The following CNKSR3 variants were observed in gnomAD, a reference collection of about 807,000 sequenced individuals.
CNKSR3 encodes connector enhancer of kinase suppressor of ras 3.
CNKSR3 carries 36 observed loss-of-function variants against 67.7 expected under a neutral mutation model. That is an observed-to-expected ratio of 0.53 (90% CI 0.41 to 0.70). CNKSR3 has a LOEUF of 0.70. Among genes scored for constraint, CNKSR3 ranks in the 30% least tolerant of loss-of-function variants. The probability of loss-of-function intolerance (pLI) is 0.00; values close to 1 mark genes in which losing one functional copy is unlikely to be tolerated. For missense variants in CNKSR3, 630 were observed against 695.2 expected, an observed-to-expected ratio of 0.91 and a Z score of 1.05; for synonymous variants, 281 against 271.4, an observed-to-expected ratio of 1.04 and a Z score of -0.35.
intron 1 of CNKSR3, among the ~76,000 whole-genome samples, chr6:154,506,983 G>A (rs1254514680): frequency 6.6e-6 from 1 of 152,226 alleles, no homozygotes; most frequent in Non-Finnish European, 1.5e-5. Flanking sequence ...AGAAAATGGA[G>A]TGGAGTGAAG....
rs772674749 is a variant in CNKSR3 at position 154,442,082 on chromosome 6, A to G, written c.419+6T>C. On this transcript the variant is annotated splice_donor_region_variant and intron_variant, in intron 3 of 12. Coordinates refer to ENST00000607772, the MANE Select transcript of CNKSR3 (RefSeq NM_173515.4). ...CAGGGCAGTAAAAGGCACATCTCCA[A>G]CTTACCGGTCCAGCCACGCCAGCAG... 20 of 1,597,818 alleles carry G rather than the reference A, an allele frequency of 1.3e-5. No individual in the cohort carries two copies. In the East Asian group the frequency reaches 2.2e-4, roughly 18 times the overall value.
chr6:154,428,322 G>C (rs915113888), intron 6 of CNKSR3, 135 bp from the exon 7 acceptor site: 11 of 640,552 alleles, frequency 1.7e-5, no homozygotes, highest in Non-Finnish European at 2.8e-5. Context: ...CTGAAACATC[G>C]AGAAACAAGA....
chr6:154,453,558 G>C (rs1026256480), intron 1 of CNKSR3, among the ~76,000 whole-genome samples: 1 of 152,158 alleles, frequency 6.6e-6, no homozygotes, highest in African/African-American at 2.4e-5. Context: ...AGAATAGAAT[G>C]TATTGTAGCC....
At chr6:154,448,752 C>A (rs2128718875) in intron 2 of CNKSR3, among the ~76,000 whole-genome samples, 1 of 152,318 alleles carries the variant, frequency 6.6e-6, no homozygotes, top group South Asian at 2.1e-4. Context: ...CATCTCAGAG[C>A]AGAAGACAAG....
intron 6 of CNKSR3, among the ~76,000 whole-genome samples, chr6:154,428,562 C>G (rs13204981): frequency 0.51 from 77,744 of 151,946 alleles, 20,293 homozygotes; most frequent in Non-Finnish European, 0.55. Flanking sequence ...AAGTTGCCTA[C>G]ACTGGAGTGT....
At chr6:154,418,970 C>A (rs9479843) in intron 9 of CNKSR3, among the ~76,000 whole-genome samples, 265 of 135,514 alleles carry the variant, frequency 2.0e-3, no homozygotes, top group African/African-American at 4.5e-3. Context: ...AAAAAAAAAA[C>A]AAAACACAAA....
Position 154,387,777 on chromosome 6 carries a change from A to C in CNKSR3, c.*18577T>G, listed in dbSNP as rs1332575413. ...TTTGAAAAATCAGGCCTTATTTAAAAAGAAAAATGTTCTATCATCAAATGT... is the reference window on the plus strand; with the variant it reads ...TTTGAAAAATCAGGCCTTATTTAAACAGAAAAATGTTCTATCATCAAATGT... On this transcript the variant is annotated 3_prime_UTR_variant, in exon 13 of 13. Transcript: ENST00000607772. 1 of 152,228 alleles carries C rather than the reference A, an allele frequency of 6.6e-6. No individual in the cohort carries two copies. The highest frequency in any genetic ancestry group is 1.5e-5 in the Non-Finnish European group (1 of 68,040). The allele number at this position is 152,228 out of a possible 1,614,324, so 9.4% of individuals were successfully genotyped here.
chr6:154,504,505 C>T (rs1490127769), intron 1 of CNKSR3, among the ~76,000 whole-genome samples: 2 of 152,230 alleles, frequency 1.3e-5, no homozygotes, highest in African/African-American at 4.8e-5. Flanking sequence ...GGGATACAAA[C>T]TGAGTCCGGC....
chr6:154,472,907 T>C (rs12192997), intron 1 of CNKSR3, among the ~76,000 whole-genome samples: 2 of 151,956 alleles, frequency 1.3e-5, no homozygotes, highest in South Asian at 2.1e-4. Flanking sequence ...GGCTATCCCA[T>C]ACAATAGGAA....
chr6:154,423,950 A>AGGCCGG (rs1240112230), intron 7 of CNKSR3, among the ~76,000 whole-genome samples: 1 of 152,118 alleles, frequency 6.6e-6, no homozygotes, highest in Non-Finnish European at 1.5e-5. Flanking sequence ...ATAAAGGGAT[A>AGGCCGG]GGCCGGGCGC....
chr6:154,477,413 C>T (rs1786474808), intron 1 of CNKSR3, among the ~76,000 whole-genome samples: 1 of 152,034 alleles, frequency 6.6e-6, no homozygotes, highest in African/African-American at 2.4e-5. Flanking sequence ...CACTTTCAAG[C>T]AATTCTCCTG....
chr6:154,448,811 T>C (rs1405828128), intron 2 of CNKSR3, among the ~76,000 whole-genome samples: 2 of 152,204 alleles, frequency 1.3e-5, no homozygotes, highest in African/African-American at 4.8e-5. Flanking sequence ...GCAAGTGTTA[T>C]ATAATCAACA....
chr6:154,457,067 C>T (rs117991110), intron 1 of CNKSR3, among the ~76,000 whole-genome samples: 3,458 of 152,198 alleles, frequency 0.023, 74 homozygotes, highest in African/African-American at 0.053. Flanking sequence ...TTAGCCTTCC[C>T]GACTTACTGA....
At chr6:154,500,053 A>T (rs1458180642) in intron 1 of CNKSR3, among the ~76,000 whole-genome samples, 1 of 152,112 alleles carries the variant, frequency 6.6e-6, no homozygotes, top group African/African-American at 2.4e-5. Flanking sequence ...TCCAGTTGGT[A>T]TCTCTGTTAA....
rs1413548524 is a variant in CNKSR3, at chr6:154,410,415, A to G, written c.1297T>C (p.Ser433Pro). ...ATCCAGTTCCCATCAGCAGGCATGG[A>G]CAAAGGCCGTGGCTTGCCTTCAGAG... ...TPSYGKPRPL[S>P]MPADGNWMGI... The change falls in exon 12 of 13, where the codon TCC becomes CCC. Residue 433 changes from serine (S) to proline (P), a missense_variant. Around this residue, in one of 3 missense-constraint regions of CNKSR3, gnomAD observed 308 missense variants for 299.6 expected, o/e 1.03. Transcript: ENST00000607772. 1 of 1,613,992 alleles carries G rather than the reference A, an allele frequency of 6.2e-7. No homozygotes were observed.
At chr6:154,486,705 A>G (rs1226192000) in intron 1 of CNKSR3, among the ~76,000 whole-genome samples, 1 of 151,116 alleles carries the variant, frequency 6.6e-6, no homozygotes, top group Non-Finnish European at 1.5e-5. Flanking sequence ...TGTTGGCCAG[A>G]CTGGTCTCGA....
chr6:154,496,274 A>G (rs1786875517), intron 1 of CNKSR3, among the ~76,000 whole-genome samples: 1 of 152,202 alleles, frequency 6.6e-6, no homozygotes, highest in Admixed American at 6.5e-5. Context: ...AAAAAGAAAT[A>G]AAGACGAGCT....
intron 1 of CNKSR3, among the ~76,000 whole-genome samples, chr6:154,501,539 G>A (rs932854469): frequency 3.3e-5 from 5 of 151,866 alleles, no homozygotes; most frequent in East Asian, 1.9e-4. Context: ...AAGCCGGTTC[G>A]CACCTCAGGG....
At chr6:154,438,273 C>A (rs1015437251) in intron 4 of CNKSR3, among the ~76,000 whole-genome samples, 1 of 152,036 alleles carries the variant, frequency 6.6e-6, no homozygotes, top group African/African-American at 2.4e-5. Context: ...CCCTCCCTCT[C>A]TCTCCCCCTG....
Sources: gnomAD v4.1 joint callset for allele counts (sites outside exome capture counted in the v4.1 genomes callset) on GRCh38, gnomAD v4.1.1 for gene constraint, gnomAD v4.1.1 regional missense constraint, MANE v1.5 for transcripts, NCBI Gene and HGNC (gene_info 2026-07-23, HGNC 2026-07-21) for gene names.